Variants in YAF2 observed in about 807,000 individuals in gnomAD.
YAF2 encodes the protein YY1 associated factor 2.
A neutral mutation model predicts 20.1 loss-of-function variants in YAF2; 7 were observed. The ratio of observed to expected loss-of-function variants is 0.35; its 90% CI spans 0.20 to 0.65. The LOEUF (loss-of-function observed/expected upper bound fraction) is 0.65, where lower values mean the gene tolerates loss of function less well. Among genes scored for constraint, YAF2 ranks in the 30% least tolerant of loss-of-function variants. The probability of loss-of-function intolerance (pLI) is 0.69; values close to 1 mark genes in which losing one functional copy is unlikely to be tolerated. For missense variants in YAF2, 151 were observed against 219.2 expected (o/e 0.69, Z 1.96); for synonymous variants, 74 against 76.0 (o/e 0.97, Z 0.14).
At chr12:42,226,636 C>T (rs1329391103) in intron 2 of YAF2, among the ~76,000 whole-genome samples, 2 of 152,048 alleles carry the variant, frequency 1.3e-5, no homozygotes, top group Non-Finnish European at 2.9e-5. Context: ...TGCACTCCAC[C>T]CTGGGCAACA....
intron 2 of YAF2, among the ~76,000 whole-genome samples, chr12:42,229,762 C>T (rs968036186): frequency 2.6e-5 from 4 of 152,194 alleles, no homozygotes; most frequent in African/African-American, 7.2e-5. Context: ...TGTTACTATA[C>T]TGAATGTTGC....
At chr12:42,183,755 T>C (rs945893349) in intron 2 of YAF2, among the ~76,000 whole-genome samples, 4 of 152,186 alleles carry the variant, frequency 2.6e-5, no homozygotes, top group African/African-American at 9.7e-5. Context: ...TTGATAGAGG[T>C]GGCTACACTA....
rs2067343573 is a variant in YAF2, at chr12:42,215,930, AT to A, written c.152+21668del. ...ACAGAGCGAGATTCCAGCTCAAAAA[AT>A]AAATAAATAAATAAATAAATAAATA... On this transcript the variant is annotated intron_variant, in intron 2 of 3. Coordinates refer to ENST00000534854, the MANE Select transcript of YAF2 (RefSeq NM_005748.6). 6.3e-4 allele frequency among the ~76,000 whole-genome samples: 4 copies of A among 6,308 alleles called. No individual in the cohort carries two copies. In the African/African-American group the frequency reaches 0.01, roughly 16 times the overall value. 4.1% of individuals were successfully genotyped at this position (6,308 alleles called of 152,430 possible).
At chr12:42,176,251 A>G (rs2066188741) in intron 2 of YAF2, among the ~76,000 whole-genome samples, 1 of 151,290 alleles carries the variant, frequency 6.6e-6, no homozygotes, top group Non-Finnish European at 1.5e-5. Flanking sequence ...GTCTATGAGT[A>G]GCTGGGACTA....
intron 2 of YAF2, chr12:42,232,965 G>C (rs2137427861): frequency 1.0e-6 from 1 of 985,370 alleles, no homozygotes; most frequent in Middle Eastern, 5.2e-4. Context: ...TATAGAGCTT[G>C]GTACAGTTAA....
chr12:42,233,160 A>G (rs2137429133), intron 2 of YAF2: 1 of 985,432 alleles, frequency 1.0e-6, no homozygotes, highest in East Asian at 1.1e-4. Context: ...AAATCATACT[A>G]GTGTAACATC....
At chr12:42,213,239 G>A (rs2067261586) in intron 2 of YAF2, among the ~76,000 whole-genome samples, 1 of 152,246 alleles carries the variant, frequency 6.6e-6, no homozygotes, top group Non-Finnish European at 1.5e-5. Flanking sequence ...CCAGATGCCT[G>A]AGGCCTGACA....
chr12:42,236,126 A>G, intron 2 of YAF2: 1 of 1,360,512 alleles, frequency 7.4e-7, no homozygotes, highest in Middle Eastern at 2.3e-4. Context: ...TTCCACTTTA[A>G]TGTTCCTGCC....
chr12:42,160,703 A>G lies in YAF2; in HGVS notation c.429T>C (p.Ala143=), dbSNP rs1059360. The change falls in exon 4 of 4, where the codon GCT becomes GCC. Residue 143 remains alanine, a synonymous_variant. Transcript: ENST00000534854. ...KTKSPPASSA[A]SADQHSQSGS... Reference sequence around the variant, plus strand: ...CGCTTTGACTGTGTTGATCTGCAGAAGCAGCACTAGATGCAGGCGGTGACT... The same window carrying G: ...CGCTTTGACTGTGTTGATCTGCAGAGGCAGCACTAGATGCAGGCGGTGACT... 614,954 of 1,613,134 alleles carry G rather than the reference A, an allele frequency of 0.38. 119,222 individuals carry two copies. Among genetic ancestry groups the G allele is most frequent in the South Asian group, 0.48 (43,505 of 91,038 alleles).
intron 2 of YAF2, among the ~76,000 whole-genome samples, chr12:42,173,906 T>A (rs2066115016): frequency 6.6e-6 from 1 of 152,094 alleles, no homozygotes; most frequent in Non-Finnish European, 1.5e-5. Context: ...CAGCCTTCCA[T>A]CTGTACCGAC....
chr12:42,166,297 C>T (rs1057296925), intron 2 of YAF2, among the ~76,000 whole-genome samples: 1 of 152,186 alleles, frequency 6.6e-6, no homozygotes, highest in Admixed American at 6.5e-5. Context: ...ACTTTTGAAA[C>T]CCTTGACAAC....
chr12:42,207,166 T>G (rs1253473982), intron 2 of YAF2, among the ~76,000 whole-genome samples: 3 of 152,212 alleles, frequency 2.0e-5, no homozygotes, highest in Non-Finnish European at 2.9e-5. Context: ...AACAGAATCG[T>G]ACAAAGACAT....
intron 2 of YAF2, chr12:42,234,267 T>A: frequency 1.0e-6 from 1 of 985,314 alleles, no homozygotes; most frequent in Non-Finnish European, 1.2e-6. Flanking sequence ...CTGTGCAGCA[T>A]CTTGAAAATA....
intron 2 of YAF2, among the ~76,000 whole-genome samples, chr12:42,189,697 C>T (rs2066564198): frequency 6.6e-6 from 1 of 152,062 alleles, no homozygotes; most frequent in South Asian, 2.1e-4. Flanking sequence ...GCAGCAAATA[C>T]AAAATCTTAG....
At chr12:42,213,278 G>GT (rs2067263005) in intron 2 of YAF2, among the ~76,000 whole-genome samples, 1 of 152,238 alleles carries the variant, frequency 6.6e-6, no homozygotes, top group African/African-American at 2.4e-5. Context: ...TTGGAAGCAG[G>GT]TGTTCTAAGG....
intron 2 of YAF2, among the ~76,000 whole-genome samples, chr12:42,221,699 C>A (rs2137306631): frequency 6.6e-6 from 1 of 152,288 alleles, no homozygotes; most frequent in East Asian, 1.9e-4. Flanking sequence ...TGAGTTTCAA[C>A]AAATAGAAAA....
At chr12:42,190,897 T>C (rs971463126) in intron 2 of YAF2, among the ~76,000 whole-genome samples, 2 of 152,136 alleles carry the variant, frequency 1.3e-5, no homozygotes, top group Non-Finnish European at 2.9e-5. Flanking sequence ...ATAATATTTC[T>C]ACTTTTTAGT....
At chr12:42,234,855 G>T in intron 2 of YAF2, 1 of 679,024 alleles carries the variant, frequency 1.5e-6, no homozygotes, top group Non-Finnish European at 1.8e-6. Context: ...ACACATGGTG[G>T]TGTGCATCTG....
At chr12:42,181,694 T>C (rs747312553) in intron 2 of YAF2, among the ~76,000 whole-genome samples, 1 of 152,170 alleles carries the variant, frequency 6.6e-6, no homozygotes, top group African/African-American at 2.4e-5. Context: ...AAAGCAGAGA[T>C]GAAAATAATT....
Sources: allele counts gnomAD v4.1 joint callset (sites outside exome capture counted in the v4.1 genomes callset), GRCh38; gene constraint gnomAD v4.1.1; transcripts MANE v1.5; gene names NCBI Gene and HGNC (gene_info 2026-07-23, HGNC 2026-07-21).